Variants in DNAH5 observed in about 807,000 individuals in gnomAD.
DNAH5 encodes axonemal beta dynein heavy chain 5.
DNAH5 carries 372 observed loss-of-function variants against 518.2 expected under a neutral mutation model. The ratio of observed to expected loss-of-function variants is 0.72; its 90% CI spans 0.66 to 0.78. The LOEUF is 0.78. DNAH5 is among the 30% of genes least tolerant of loss of function. The probability of loss-of-function intolerance (pLI) is 0.00; values close to 1 mark genes in which losing one functional copy is unlikely to be tolerated. For missense variants in DNAH5, 5,523 were observed against 5,687.0 expected (o/e 0.97, Z 0.93); for synonymous variants, 2,039 against 2,025.9 (o/e 1.01, Z -0.17).
chr5:13,991,664 A>G (rs772649817), intron 1 of DNAH5, among the ~76,000 whole-genome samples: 7 of 152,092 alleles, frequency 4.6e-5, no homozygotes, highest in Non-Finnish European at 1.0e-4. Context: ...AAGAGGAGTC[A>G]TGGAGAAACG....
intron 58 of DNAH5, among the ~76,000 whole-genome samples, chr5:13,768,623 A>G (rs1286671081): frequency 6.6e-6 from 1 of 152,192 alleles, no homozygotes; most frequent in Non-Finnish European, 1.5e-5. Flanking sequence ...GCCTCAATGA[A>G]TGAATGAGAG....
chr5:13,829,479 C>T (rs1372553063), intron 38 of DNAH5, 31 bp downstream of exon 38: 2 of 1,605,868 alleles, frequency 1.2e-6, no homozygotes, highest in South Asian at 1.1e-5. Flanking sequence ...TGAAACATGC[C>T]TAAGTGCATA....
chr5:13,954,840 TA>T (rs1780654714), intron 1 of DNAH5, among the ~76,000 whole-genome samples: 1 of 152,220 alleles, frequency 6.6e-6, no homozygotes, highest in Non-Finnish European at 1.5e-5. Context: ...CTTTCTCTTT[TA>T]ACCTCCCTGG....
intron 47 of DNAH5, among the ~76,000 whole-genome samples, chr5:13,804,718 T>A (rs13176912): frequency 0.22 from 33,166 of 152,208 alleles, 3,861 homozygotes; most frequent in East Asian, 0.54. Context: ...GTGGGGAATC[T>A]GGCTAAAGCC....
chr5:13,920,371 T>C (rs375273987), intron 6 of DNAH5, 109 bp downstream of exon 6: 7 of 1,458,684 alleles, frequency 4.8e-6, no homozygotes, highest in Admixed American at 1.7e-5. Context: ...CCTCAAGGAT[T>C]TACAGTAAAA....
Position 13,691,794 on chromosome 5 carries a change from C to T in DNAH5, c.*190G>A, listed in dbSNP as rs1740723192. On this transcript the variant is annotated 3_prime_UTR_variant, in exon 79 of 79. Coordinates refer to ENST00000265104, the MANE Select transcript of DNAH5 (RefSeq NM_001369.3). Reference sequence around the variant, plus strand: ...CACTAAATAACATTTTCAACAAACTCAGACATTGGTCACTAATGATGAAAC... The same window carrying T: ...CACTAAATAACATTTTCAACAAACTTAGACATTGGTCACTAATGATGAAAC... 6 of 660,492 alleles carry T rather than the reference C, an allele frequency of 9.1e-6. No homozygotes were observed. The highest frequency in any genetic ancestry group is 1.5e-5 in the Non-Finnish European group (6 of 393,128). 40.9% of individuals were successfully genotyped at this position (660,492 alleles called of 1,614,324 possible).
chr5:13,738,270 A>G (rs956005386), intron 65 of DNAH5, among the ~76,000 whole-genome samples: 5 of 152,044 alleles, frequency 3.3e-5, no homozygotes, highest in Admixed American at 6.6e-5. Context: ...TCTTCTTTTG[A>G]AGGGGAAATA....
chr5:13,717,436 A>G lies in DNAH5; in HGVS notation c.12584T>C (p.Val4195Ala). The G allele has an allele frequency of 6.2e-7, 1 of 1,614,132 alleles. No homozygotes were observed. The highest frequency in any genetic ancestry group is 8.5e-7 in the Non-Finnish European group (1 of 1,180,012). ...GGCACCGAACTTGCGCCTCTCCTGG[A>G]CAGTGGAGTGCAGGAAAGCCACTGC... is the stretch of plus-strand genomic sequence containing the variant. Reference protein sequence around the residue: ...LYAVAFLHSTVQERRKFGALG... With the variant: ...LYAVAFLHSTAQERRKFGALG... The change falls in exon 73 of 79, where the codon GTC becomes GCC. Residue 4195 changes from valine to alanine, a missense_variant. Physicochemically the swap from Val to Ala is moderately conservative, Grantham distance 64 (BLOSUM62 0). Around this residue, in one of 3 missense-constraint regions of DNAH5, gnomAD observed 5,121 missense variants for 5,223.3 expected, o/e 0.98. Transcript: ENST00000265104.
At chr5:13,912,895 C>A (rs773007109) in intron 11 of DNAH5, among the ~76,000 whole-genome samples, 22 of 151,900 alleles carry the variant, frequency 1.4e-4, no homozygotes, top group Non-Finnish European at 3.1e-4. Context: ...ATTTATTGCA[C>A]ATCTACTATG....
chr5:13,769,419 G>T, intron 57 of DNAH5, 82 bp downstream of exon 57: 1 of 1,098,744 alleles, frequency 9.1e-7, no homozygotes, highest in Non-Finnish European at 1.4e-6. Flanking sequence ...ACTAGTTATA[G>T]CCAGTGAATA....
chr5:13,723,195 A>C (rs570374161), intron 70 of DNAH5, among the ~76,000 whole-genome samples: 2 of 152,316 alleles, frequency 1.3e-5, no homozygotes, highest in East Asian at 3.9e-4. Flanking sequence ...AAAAGCCTAC[A>C]TATTTTTCTA....
intron 1 of DNAH5, among the ~76,000 whole-genome samples, chr5:14,010,000 A>G (rs1423793723): frequency 6.6e-6 from 1 of 152,188 alleles, no homozygotes; most frequent in African/African-American, 2.4e-5. Context: ...ATCCTCTTTA[A>G]TTCCACTAGC....
At chr5:13,902,705 G>C (rs946225115) in intron 12 of DNAH5, among the ~76,000 whole-genome samples, 4 of 152,192 alleles carry the variant, frequency 2.6e-5, no homozygotes, top group Admixed American at 1.3e-4. Flanking sequence ...GACATAGTTT[G>C]CTGACCCCTG....
intron 25 of DNAH5, 48 bp downstream of exon 25, chr5:13,867,726 G>T: frequency 2.2e-6 from 3 of 1,379,142 alleles, no homozygotes; most frequent in Non-Finnish European, 3.1e-6. Context: ...TTTGCATGTT[G>T]TATTCACTCA....
At chr5:13,704,140 A>G (rs1742477894) in intron 76 of DNAH5, among the ~76,000 whole-genome samples, 1 of 152,210 alleles carries the variant, frequency 6.6e-6, no homozygotes, top group South Asian at 2.1e-4. Flanking sequence ...CTCCTGAAGT[A>G]TGATCAGTGA....
rs369902800 is a variant in DNAH5, at chr5:13,766,033, G to C, written c.10044C>G (p.Pro3348=). Residue 3348 remains proline (P), a synonymous_variant, in exon 59 of 79, where the codon CCC becomes CCG. Coordinates refer to ENST00000265104, the MANE Select transcript of DNAH5 (RefSeq NM_001369.3). ...KIDLEKSCTM[P]SWQESLKLMT... ...TCAATTTTAAGGATTCCTGCCAGGA[G>C]GGCATGGTACAGCTTTTTTCCAGGT... 1 of 1,614,190 alleles carries C rather than the reference G, an allele frequency of 6.2e-7. No homozygotes were observed. Among genetic ancestry groups the C allele is most frequent in the South Asian group, 1.1e-5 (1 of 91,084 alleles).
chr5:14,009,233 C>A (rs1309163432), intron 1 of DNAH5, among the ~76,000 whole-genome samples: 1 of 152,160 alleles, frequency 6.6e-6, no homozygotes, highest in Non-Finnish European at 1.5e-5. Flanking sequence ...AAGAGCTTAG[C>A]GTGACTAAAG....
chr5:13,811,530 A>G, intron 44 of DNAH5, 117 bp downstream of exon 44: 1 of 1,008,862 alleles, frequency 9.9e-7, no homozygotes, highest in Non-Finnish European at 1.5e-6. Flanking sequence ...ATCTAATTTC[A>G]AATATAGTAC....
rs181587602 is a variant in DNAH5, at chr5:13,990,478, G to A, written c.12+21170C>T. On this transcript the variant is annotated intron_variant, in intron 1 of 78. Coordinates refer to the DNAH5 transcript ENST00000681290. Reference sequence around the variant, plus strand: ...TGAGGCGGAAGAATGGCGTGAACCCGGGAGGCAGAGCTTGCAGCAAGCCGA... The same window carrying A: ...TGAGGCGGAAGAATGGCGTGAACCCAGGAGGCAGAGCTTGCAGCAAGCCGA... Among the ~76,000 whole-genome samples the A allele has an allele frequency of 8.5e-3, 1,287 of 152,174 alleles. 11 individuals carry two copies. Among genetic ancestry groups the A allele is most frequent in the Admixed American group, 0.013 (203 of 15,296 alleles).
Sources: gnomAD v4.1 joint callset for allele counts (sites outside exome capture counted in the v4.1 genomes callset) on GRCh38, gnomAD v4.1.1 for gene constraint, gnomAD v4.1.1 regional missense constraint, MANE v1.5 for transcripts, NCBI Gene and HGNC (gene_info 2026-07-23, HGNC 2026-07-21) for gene names.